NECAB1: variants seen among roughly 807,000 people sequenced by gnomAD.
NECAB1 encodes N-terminal EF-hand calcium-binding protein 1.
A neutral mutation model predicts 57.5 loss-of-function variants in NECAB1; 29 were observed. The observed-to-expected ratio is 0.50, with a 90% CI of 0.38 to 0.69. NECAB1 has a LOEUF of 0.69. Among genes scored for constraint, NECAB1 ranks in the 30% least tolerant of loss-of-function variants. The probability of loss-of-function intolerance (pLI) is 0.00; values close to 1 mark genes in which losing one functional copy is unlikely to be tolerated. For synonymous variants in NECAB1, 142 were observed against 147.7 expected (o/e 0.96, Z 0.28); for missense variants, 372 against 413.8 (o/e 0.90, Z 0.88).
intron 12 of NECAB1, among the ~76,000 whole-genome samples, chr8:90,951,765 G>GA (rs11370042): frequency 0.55 from 82,177 of 149,148 alleles, 25,438 homozygotes; most frequent in African/African-American, 0.83. Context: ...AATTTTAGCA[G>GA]AAAAAAAAAA....
At chr8:90,878,340 G>T (rs141727263) in intron 4 of NECAB1, among the ~76,000 whole-genome samples, 152 of 152,214 alleles carry the variant, frequency 1.0e-3, no homozygotes, top group African/African-American at 3.2e-3. Context: ...CTAAGTAAAG[G>T]TTTGTTAGGC....
chr8:90,909,032 A>G (rs1192212048), intron 5 of NECAB1, among the ~76,000 whole-genome samples: 1 of 152,160 alleles, frequency 6.6e-6, no homozygotes. Context: ...TTTAGGCTTT[A>G]CTGATTGCCA....
intron 1 of NECAB1, among the ~76,000 whole-genome samples, 160 bp downstream of exon 1, chr8:90,792,145 T>C (rs900654143): frequency 5.9e-5 from 9 of 152,162 alleles, no homozygotes; most frequent in African/African-American, 1.9e-4. Context: ...GTCCCTTAAC[T>C]TGCAGCTAGG....
intron 6 of NECAB1, 99 bp from the exon 7 acceptor site, chr8:90,925,436 C>T (rs1217714560): frequency 7.4e-7 from 1 of 1,344,876 alleles, no homozygotes; most frequent in South Asian, 1.4e-5. Context: ...CATTTTGCTG[C>T]ACTAGAAAAC....
chr8:90,800,468 T>C (rs926680763), intron 1 of NECAB1, among the ~76,000 whole-genome samples: 1 of 152,196 alleles, frequency 6.6e-6, no homozygotes, highest in Non-Finnish European at 1.5e-5. Flanking sequence ...TTGGCATAGA[T>C]GGCTCTTATT....
intron 5 of NECAB1, among the ~76,000 whole-genome samples, chr8:90,906,341 C>T (rs529892990): frequency 1.3e-5 from 2 of 152,224 alleles, no homozygotes; most frequent in South Asian, 2.1e-4. Context: ...ACTGAGAAGA[C>T]TTATTTGTCA....
chr8:90,936,732 C>A (rs1411363360), intron 9 of NECAB1, among the ~76,000 whole-genome samples: 1 of 152,134 alleles, frequency 6.6e-6, no homozygotes, highest in Non-Finnish European at 1.5e-5. Context: ...CTAGCAACTG[C>A]CATCTCTAGT....
chr8:90,795,474 C>T (rs1811645159), intron 1 of NECAB1, among the ~76,000 whole-genome samples: 1 of 152,154 alleles, frequency 6.6e-6, no homozygotes, highest in Non-Finnish European at 1.5e-5. Context: ...TAAGCATGCA[C>T]ACTCATGTAC....
intron 6 of NECAB1, among the ~76,000 whole-genome samples, chr8:90,923,661 T>C (rs920339832): frequency 6.6e-6 from 1 of 152,120 alleles, no homozygotes; most frequent in Non-Finnish European, 1.5e-5. Flanking sequence ...GACAAAAAAT[T>C]TCAAAAGAAA....
At chr8:90,911,244 T>A (rs1403661511) in intron 5 of NECAB1, among the ~76,000 whole-genome samples, 1 of 151,686 alleles carries the variant, frequency 6.6e-6, no homozygotes, top group Non-Finnish European at 1.5e-5. Context: ...AATATACATA[T>A]AAAGATATAG....
chr8:90,795,880 T>G (rs989887356), intron 1 of NECAB1, among the ~76,000 whole-genome samples: 4 of 152,128 alleles, frequency 2.6e-5, no homozygotes, highest in Non-Finnish European at 5.9e-5. Flanking sequence ...TAATGCATGC[T>G]GGGCTTAATA....
intron 5 of NECAB1, among the ~76,000 whole-genome samples, chr8:90,897,836 A>C (rs1809395567): frequency 6.6e-6 from 1 of 152,214 alleles, no homozygotes; most frequent in Non-Finnish European, 1.5e-5. Context: ...TAAATGAAGA[A>C]TGCCTTCATT....
At chr8:90,892,529 G>A (rs761375041) in intron 5 of NECAB1, among the ~76,000 whole-genome samples, 1 of 152,164 alleles carries the variant, frequency 6.6e-6, no homozygotes, top group South Asian at 2.1e-4. Flanking sequence ...CCCCGCAAAA[G>A]GTGATTGTCA....
chr8:90,888,290 T>G (rs561527875), intron 5 of NECAB1, among the ~76,000 whole-genome samples: 1 of 152,324 alleles, frequency 6.6e-6, no homozygotes, highest in African/African-American at 2.4e-5. Context: ...GCTGTTTTAC[T>G]TTGCCCAAAA....
chr8:90,803,767 C>T (rs1586031029), intron 2 of NECAB1, among the ~76,000 whole-genome samples: 1 of 152,146 alleles, frequency 6.6e-6, no homozygotes, highest in East Asian at 1.9e-4. Flanking sequence ...ACTCAGTCCC[C>T]CTGGGCACCC....
intron 1 of NECAB1, among the ~76,000 whole-genome samples, chr8:90,794,020 T>G (rs1463714309): frequency 6.6e-6 from 1 of 152,198 alleles, no homozygotes; most frequent in East Asian, 1.9e-4. Flanking sequence ...CTTTTATATT[T>G]CAGAGATTTA....
At chr8:90,929,290 A>G (rs987624964) in intron 8 of NECAB1, among the ~76,000 whole-genome samples, 4 of 152,290 alleles carry the variant, frequency 2.6e-5, no homozygotes, top group Admixed American at 2.6e-4. Context: ...TGTGGCAGGA[A>G]GAGTTCAAGT....
chr8:90,950,420 A>G (rs1322347523), intron 11 of NECAB1, among the ~76,000 whole-genome samples: 1 of 152,204 alleles, frequency 6.6e-6, no homozygotes, highest in African/African-American at 2.4e-5. Flanking sequence ...AAATTAAAAT[A>G]ATTACTAATA....
intron 2 of NECAB1, among the ~76,000 whole-genome samples, chr8:90,818,512 A>G (rs2129691234): frequency 6.6e-6 from 1 of 152,072 alleles, no homozygotes; most frequent in South Asian, 2.1e-4. Flanking sequence ...CTAGATTGTG[A>G]TGTTTTCTTT....
Sources: gnomAD v4.1 joint callset for allele counts (sites outside exome capture counted in the v4.1 genomes callset) on GRCh38, gnomAD v4.1.1 for gene constraint, MANE v1.5 for transcripts, NCBI Gene and HGNC (gene_info 2026-07-23, HGNC 2026-07-21) for gene names.